The following SLC39A11 variants were observed in gnomAD, a reference collection of about 807,000 sequenced individuals.
SLC39A11 encodes solute carrier family 39 member 11.
In SLC39A11, 33 loss-of-function variants were observed where a neutral mutation model predicts 36.1. That is an observed-to-expected ratio of 0.91 (90% CI 0.69 to 1.22). The LOEUF is 1.22. Ranked by LOEUF, SLC39A11 falls within the 50% of genes most tolerant of loss-of-function variation. SLC39A11 has a pLI of 0.00. For synonymous variants in SLC39A11, 166 were observed against 170.3 expected, an observed-to-expected ratio of 0.97 and a Z score of 0.20; for missense variants, 432 against 430.3, an observed-to-expected ratio of 1.00 and a Z score of -0.03.
At chr17:72,674,789 G>T (rs1161202654) in intron 7 of SLC39A11, among the ~76,000 whole-genome samples, 1 of 152,142 alleles carries the variant, frequency 6.6e-6, no homozygotes, top group Non-Finnish European at 1.5e-5. Context: ...TTATAATGAG[G>T]AGGTGAGTTT....
At chr17:72,854,192 C>T (rs1341012942) in intron 5 of SLC39A11, among the ~76,000 whole-genome samples, 3 of 151,856 alleles carry the variant, frequency 2.0e-5, no homozygotes, top group African/African-American at 7.3e-5. Context: ...AACAGAGAGG[C>T]AGAGTAACTG....
At position 72,757,980 on chromosome 17, in the gene SLC39A11, G is replaced by A. The variant is rs150182194; in HGVS notation, c.602-21261C>T. Among the ~76,000 whole-genome samples the A allele has an allele frequency of 7.4e-3, 1,128 of 152,168 alleles. 13 individuals carry two copies. The highest frequency in any genetic ancestry group is 0.026 in the African/African-American group (1,071 of 41,516). On this transcript the variant is annotated intron_variant, in intron 6 of 9. Coordinates refer to ENST00000255559, the MANE Select transcript of SLC39A11 (RefSeq NM_139177.4). The stretch of plus-strand genomic sequence containing the variant: ...GGCCTACTGCAACCTCCACCTCCTG[G>A]GTTCAAGTGATTCTCCTGCCTCAGC...
rs1345373479 is a variant in SLC39A11 at position 72,900,123 on chromosome 17, AAAG to A, written c.430+47626_430+47628del. Among the ~76,000 whole-genome samples, 220 of 105,696 alleles carry A rather than the reference AAAG, an allele frequency of 2.1e-3. 34 individuals are homozygous for A. The highest frequency in any genetic ancestry group is 0.012 in the African/African-American group (200 of 16,628). The allele number at this position is 105,696 out of a possible 152,430, so 69.3% of individuals were successfully genotyped here. ...AGAAAGAAAGAAAAAGAAAGAAAGA[AAAG>A]AAAGAAAGAAAGAAAAAGAAAGAAA... On this transcript the variant is annotated intron_variant, in intron 5 of 9. Coordinates refer to ENST00000255559, the MANE Select transcript of SLC39A11 (RefSeq NM_139177.4).
chr17:72,949,950 GACACACACACACACACACACACAC>G lies in SLC39A11; in HGVS notation c.307-2099_307-2076del, dbSNP rs67207508. ...CACAAAAGGGATACCAGGCTGCTGT[GACACACACACACACACACACACAC>G]ACACACACACACACACACACACCCC... On this transcript the variant is annotated intron_variant, in intron 4 of 9. Coordinates refer to ENST00000255559, the MANE Select transcript of SLC39A11 (RefSeq NM_139177.4). 2.7e-5 allele frequency among the ~76,000 whole-genome samples: 4 copies of G among 146,250 alleles called. No homozygotes were observed. The South Asian group carries it at 6.8e-4, about 25-fold the overall frequency.
At chr17:72,784,786 G>A (rs1240720081) in intron 6 of SLC39A11, among the ~76,000 whole-genome samples, 2 of 151,890 alleles carry the variant, frequency 1.3e-5, no homozygotes, top group East Asian at 1.9e-4. Context: ...CCCAGAAGCT[G>A]AGCAGATATC....
chr17:72,813,790 C>T (rs1273478495), intron 6 of SLC39A11, among the ~76,000 whole-genome samples: 2 of 152,196 alleles, frequency 1.3e-5, no homozygotes, highest in Admixed American at 6.5e-5. Flanking sequence ...AAGAGTAAAA[C>T]GCCTTTAGTT....
intron 7 of SLC39A11, among the ~76,000 whole-genome samples, chr17:72,668,255 C>T (rs1362201642): frequency 1.3e-5 from 2 of 151,184 alleles, no homozygotes; most frequent in African/African-American, 4.9e-5. Context: ...GCTTCTAGCA[C>T]ATACCTGGTG....
chr17:72,978,414 G>C (rs761955305), intron 4 of SLC39A11, among the ~76,000 whole-genome samples: 1 of 152,250 alleles, frequency 6.6e-6, no homozygotes, highest in African/African-American at 2.4e-5. Context: ...ATATACAAAC[G>C]AACAAACTGG....
chr17:72,944,864 A>G (rs1164724269), intron 5 of SLC39A11, among the ~76,000 whole-genome samples: 1 of 152,222 alleles, frequency 6.6e-6, no homozygotes, highest in Non-Finnish European at 1.5e-5. Context: ...AACATATGAT[A>G]CAGAACAATG....
intron 5 of SLC39A11, among the ~76,000 whole-genome samples, chr17:72,871,438 C>T (rs1020300757): frequency 2.0e-5 from 3 of 152,072 alleles, no homozygotes; most frequent in Non-Finnish European, 4.4e-5. Flanking sequence ...GGATGGGGGG[C>T]GCTGTTTGCC....
At chr17:72,829,567 A>G (rs1404833110) in intron 6 of SLC39A11, among the ~76,000 whole-genome samples, 1 of 152,140 alleles carries the variant, frequency 6.6e-6, no homozygotes, top group Non-Finnish European at 1.5e-5. Context: ...AGGGAAAGGG[A>G]GGATGCTGAG....
At chr17:72,760,487 G>A (rs760112319) in intron 6 of SLC39A11, among the ~76,000 whole-genome samples, 26 of 152,230 alleles carry the variant, frequency 1.7e-4, no homozygotes, top group Non-Finnish European at 3.4e-4. Flanking sequence ...GTTGGTTTCC[G>A]TGTGGGACAC....
At chr17:72,939,180 G>C (rs1213445875) in intron 5 of SLC39A11, among the ~76,000 whole-genome samples, 4 of 152,126 alleles carry the variant, frequency 2.6e-5, no homozygotes, top group African/African-American at 9.7e-5. Flanking sequence ...CCTTACCTAG[G>C]CAGGGCGTGG....
chr17:73,005,454 C>A (rs2090128479), intron 4 of SLC39A11, among the ~76,000 whole-genome samples: 1 of 152,216 alleles, frequency 6.6e-6, no homozygotes, highest in African/African-American at 2.4e-5. Context: ...TTTTATTTAA[C>A]CCTCATGGCC....
At chr17:72,736,417 T>G (rs893623580) in intron 7 of SLC39A11, among the ~76,000 whole-genome samples, 16 of 152,204 alleles carry the variant, frequency 1.1e-4, no homozygotes, top group Non-Finnish European at 1.8e-4. Context: ...ATCCATGCTT[T>G]GTTTCCAAAA....
chr17:73,084,716 T>A, intron 3 of SLC39A11, 92 bp downstream of exon 3: 2 of 1,228,342 alleles, frequency 1.6e-6, no homozygotes, highest in Admixed American at 3.4e-5. Flanking sequence ...TGCATCTAGG[T>A]CGCAAGGGGA....
At position 73,022,921 on chromosome 17, in the gene SLC39A11, G is replaced by GA. The variant is rs534251517; in HGVS notation, c.306+8634dup. On this transcript the variant is annotated intron_variant, in intron 4 of 9. Transcript: ENST00000255559. Reference sequence around the variant, plus strand: ...GAATTAAAATATCCTGTTTCACAAAGAAAAAAAAAAACTCAGTTTTCCTTT... The same window carrying GA: ...GAATTAAAATATCCTGTTTCACAAAGAAAAAAAAAAAACTCAGTTTTCCTTT... 1.3e-3 allele frequency among the ~76,000 whole-genome samples: 191 copies of GA among 145,090 alleles called. 1 individual carries two copies. Among genetic ancestry groups the GA allele is most frequent in the South Asian group, 0.011 (50 of 4,618 alleles).
chr17:73,045,902 C>T (rs141317790), intron 3 of SLC39A11, among the ~76,000 whole-genome samples: 1,707 of 152,306 alleles, frequency 0.011, 28 homozygotes, highest in African/African-American at 0.039. Flanking sequence ...CACTCAGCCA[C>T]CAACCCATCA....
At chr17:72,809,255 T>C (rs942256986) in intron 6 of SLC39A11, among the ~76,000 whole-genome samples, 3 of 150,802 alleles carry the variant, frequency 2.0e-5, no homozygotes, top group African/African-American at 7.4e-5. Context: ...AGGCCCACCT[T>C]CTCCTGGGAT....
Sources: gnomAD v4.1 joint callset for allele counts (sites outside exome capture counted in the v4.1 genomes callset) on GRCh38, gnomAD v4.1.1 for gene constraint, MANE v1.5 for transcripts, NCBI Gene and HGNC (gene_info 2026-07-23, HGNC 2026-07-21) for gene names.